The following FGFR1OP2 variants were observed in gnomAD, a reference collection of about 807,000 sequenced individuals.
The protein encoded by FGFR1OP2 is fibroblast growth factor receptor 1 oncogene partner 2.
A neutral mutation model predicts 35.2 loss-of-function variants in FGFR1OP2; 17 were observed. That is an observed-to-expected ratio of 0.48 (90% confidence interval 0.33 to 0.73). The LOEUF (loss-of-function observed/expected upper bound fraction) is 0.73. FGFR1OP2 is among the 30% of genes least tolerant of loss of function. FGFR1OP2 has a pLI of 0.02. For synonymous variants in FGFR1OP2, 105 were observed against 104.6 expected (o/e 1.00, Z -0.03); for missense variants, 251 against 307.3 (o/e 0.82, Z 1.37).
intron 1 of FGFR1OP2, among the ~76,000 whole-genome samples, chr12:26,939,283 C>T (rs1407008681): frequency 1.3e-5 from 2 of 151,874 alleles, no homozygotes; most frequent in Non-Finnish European, 2.9e-5. Flanking sequence ...CTGCCCCCCG[C>T]CCTCCACTGG....
chr12:26,958,004 G>T, intron 4 of FGFR1OP2: 1 of 290,444 alleles, frequency 3.4e-6, no homozygotes, highest in Non-Finnish European at 6.5e-6. Flanking sequence ...ATTTTATTTT[G>T]GATATAAAGG....
At chr12:26,942,953 G>T (rs1287963674) in intron 1 of FGFR1OP2, among the ~76,000 whole-genome samples, 3 of 152,006 alleles carry the variant, frequency 2.0e-5, no homozygotes, top group Non-Finnish European at 4.4e-5. Context: ...TTTTGATGAG[G>T]TCCAGTTTAT....
intron 1 of FGFR1OP2, among the ~76,000 whole-genome samples, chr12:26,948,692 G>A (rs1394760905): frequency 2.0e-5 from 3 of 152,212 alleles, no homozygotes; most frequent in Non-Finnish European, 2.9e-5. Context: ...TTAGAAGGAA[G>A]CAAAGTGTTA....
chr12:26,964,690 C>G lies in FGFR1OP2; in HGVS notation c.719C>G (p.Ser240Ter). The G allele has an allele frequency of 6.2e-7, 1 of 1,611,700 alleles. No homozygotes were observed. The highest frequency in any genetic ancestry group is 8.5e-7 in the Non-Finnish European group (1 of 1,179,318). ...KDDASESTSL[S>*]ALVTNSDLSL... ...GATGCGTCGGAAAGTACTTCTTTGTCAGCATTAGTGACCAACAGTGATTTG... is the reference window on the plus strand; with the variant it reads ...GATGCGTCGGAAAGTACTTCTTTGTGAGCATTAGTGACCAACAGTGATTTG... The change falls in exon 7 of 7, where the codon TCA (serine) becomes TGA (stop). Residue 240 changes from serine to a stop codon, truncating the protein, a stop_gained. Transcript: ENST00000229395. LOFTEE classifies it high-confidence loss of function.
At chr12:26,964,545 G>A (rs201563722) in intron 6 of FGFR1OP2, 51 bp from the exon 7 acceptor site, 2 of 1,581,096 alleles carry the variant, frequency 1.3e-6, no homozygotes, top group Non-Finnish European at 1.7e-6. Flanking sequence ...TTGTGATGTT[G>A]TAGCTACCTT....
intron 1 of FGFR1OP2, among the ~76,000 whole-genome samples, chr12:26,942,126 G>C (rs1207408940): frequency 6.6e-6 from 1 of 152,126 alleles, no homozygotes; most frequent in African/African-American, 2.4e-5. Context: ...TCCACCTTCC[G>C]GGCTCAAGCA....
chr12:26,957,382 T>A (rs1939038327), intron 3 of FGFR1OP2, among the ~76,000 whole-genome samples: 2 of 152,200 alleles, frequency 1.3e-5, no homozygotes, highest in South Asian at 4.1e-4. Context: ...TAATTGCTGT[T>A]TAGTACATCT....
intron 1 of FGFR1OP2, among the ~76,000 whole-genome samples, chr12:26,951,536 T>G (rs1341454714): frequency 1.3e-5 from 2 of 152,120 alleles, no homozygotes; most frequent in African/African-American, 4.8e-5. Flanking sequence ...GGCAGGCTGG[T>G]CTTGAACTCC....
chr12:26,942,239 G>A (rs1254041866), intron 1 of FGFR1OP2, among the ~76,000 whole-genome samples: 1 of 152,148 alleles, frequency 6.6e-6, no homozygotes, highest in Non-Finnish European at 1.5e-5. Context: ...CACCATGTTG[G>A]TCAGGCTGGT....
intron 1 of FGFR1OP2, among the ~76,000 whole-genome samples, chr12:26,946,020 AT>A (rs1045560789): frequency 6.6e-6 from 1 of 152,206 alleles, no homozygotes; most frequent in Admixed American, 6.5e-5. Context: ...TTTCATAAAT[AT>A]CAATTCAAGC....
At chr12:26,950,510 G>A (rs1348269937) in intron 1 of FGFR1OP2, among the ~76,000 whole-genome samples, 2 of 152,138 alleles carry the variant, frequency 1.3e-5, no homozygotes, top group East Asian at 3.8e-4. Flanking sequence ...ACAGGCGTGA[G>A]CCACCGCACC....
intron 1 of FGFR1OP2, among the ~76,000 whole-genome samples, chr12:26,943,069 T>C (rs921200705): frequency 6.6e-6 from 1 of 152,224 alleles, no homozygotes; most frequent in Non-Finnish European, 1.5e-5. Context: ...GAAAGTGTTA[T>C]TGTTTTTAAT....
At chr12:26,958,533 A>T (rs1402550027) in intron 4 of FGFR1OP2, among the ~76,000 whole-genome samples, 1 of 152,204 alleles carries the variant, frequency 6.6e-6, no homozygotes, top group East Asian at 1.9e-4. Context: ...ACTATAAATG[A>T]TCTTGTTTAT....
intron 2 of FGFR1OP2, 21 bp from the exon 3 acceptor site, chr12:26,956,522 C>T: frequency 1.7e-6 from 2 of 1,156,122 alleles, no homozygotes; most frequent in Non-Finnish European, 2.4e-6. Context: ...TTTCATCCCA[C>T]ATGTTTTTCT....
intron 1 of FGFR1OP2, among the ~76,000 whole-genome samples, chr12:26,948,957 T>C (rs920703867): frequency 6.6e-6 from 1 of 152,102 alleles, no homozygotes; most frequent in Non-Finnish European, 1.5e-5. Flanking sequence ...TGGAGGGTCT[T>C]TGGAGTCCAG....
chr12:26,946,457 T>C (rs1223491607), intron 1 of FGFR1OP2, among the ~76,000 whole-genome samples: 1 of 152,160 alleles, frequency 6.6e-6, no homozygotes, highest in Admixed American at 6.5e-5. Context: ...ACTGCAGGTG[T>C]GTACCACCAC....
intron 1 of FGFR1OP2, among the ~76,000 whole-genome samples, chr12:26,951,195 G>A (rs1938923172): frequency 6.6e-6 from 1 of 151,868 alleles, no homozygotes; most frequent in Admixed American, 6.6e-5. Flanking sequence ...CTGAGGCCCA[G>A]GCTGGAGTGC....
chr12:26,947,726 T>G, intron 1 of FGFR1OP2, among the ~76,000 whole-genome samples: 1 of 152,256 alleles, frequency 6.6e-6, no homozygotes, highest in African/African-American at 2.4e-5. Context: ...TAAAGTGAAT[T>G]TTATATAAAC....
chr12:26,941,005 A>G (rs1938725356), intron 1 of FGFR1OP2, among the ~76,000 whole-genome samples: 1 of 152,130 alleles, frequency 6.6e-6, no homozygotes, highest in South Asian at 2.1e-4. Flanking sequence ...TATCAGCAGC[A>G]GAATGTTCTA....
Sources: gnomAD v4.1 joint callset for allele counts (sites outside exome capture counted in the v4.1 genomes callset) on GRCh38, gnomAD v4.1.1 for gene constraint, MANE v1.5 for transcripts, NCBI Gene and HGNC (gene_info 2026-07-23, HGNC 2026-07-21) for gene names.